Variants in DHRS3 observed in about 807,000 individuals in gnomAD.
DHRS3 encodes the protein dehydrogenase/reductase 3, also known as short-chain dehydrogenase/reductase 3.
In DHRS3, 14 loss-of-function variants were observed where a neutral mutation model predicts 27.2. The ratio of observed to expected loss-of-function variants is 0.52; its 90% CI spans 0.34 to 0.81. DHRS3 has a LOEUF of 0.81. Ranked by LOEUF, DHRS3 falls within the 30% of genes least tolerant of loss-of-function variation. DHRS3 has a pLI of 0.01. For missense variants in DHRS3, 322 were observed against 406.2 expected (o/e 0.79, Z 1.78); for synonymous variants, 165 against 175.9 (o/e 0.94, Z 0.49).
intron 1 of DHRS3, among the ~76,000 whole-genome samples, chr1:12,585,665 G>A (rs1188261018): frequency 6.6e-6 from 1 of 152,156 alleles, no homozygotes; most frequent in Non-Finnish European, 1.5e-5. Context: ...CCCTTCTGGG[G>A]AATCTGCGTC....
intron 1 of DHRS3, among the ~76,000 whole-genome samples, chr1:12,610,379 T>A (rs1646901138): frequency 6.6e-6 from 1 of 151,996 alleles, no homozygotes; most frequent in Non-Finnish European, 1.5e-5. Flanking sequence ...GGCATGAGAA[T>A]GTACTGTTCT....
intron 1 of DHRS3, among the ~76,000 whole-genome samples, chr1:12,613,083 G>A (rs903681981): frequency 6.6e-6 from 1 of 151,572 alleles, no homozygotes; most frequent in African/African-American, 2.4e-5. Flanking sequence ...AGGAGATGAC[G>A]GGACGTAGAC....
Position 12,578,857 on chromosome 1 carries a change from C to G in DHRS3, c.559G>C (p.Asp187His). The change falls in exon 4 of 6, where the codon GAC (aspartate) becomes CAC (histidine). Residue 187 changes from aspartate (D) to histidine (H), a missense_variant. Coordinates refer to ENST00000616661, the MANE Select transcript of DHRS3 (RefSeq NM_004753.7). The surrounding 1 kb of genome is among the most constrained non-coding windows in gnomAD (Gnocchi z 4.5). Reference sequence around the variant, plus strand: ...GCTGACGCTTTGGATGTGCAGTAGTCGATGGCACCGGGGATGGCAGACAGT... The same window carrying G: ...GCTGACGCTTTGGATGTGCAGTAGTGGATGGCACCGGGGATGGCAGACAGT... ...LALSAIPGAI[D>H]YCTSKASAFA... 1 of 1,613,920 alleles carries G rather than the reference C, an allele frequency of 6.2e-7. No homozygotes were observed. The highest frequency in any genetic ancestry group is 8.5e-7 in the Non-Finnish European group (1 of 1,180,006).
At position 12,593,537 on chromosome 1, in the gene DHRS3, AC is replaced by A. The variant is rs924973086; in HGVS notation, c.196-12872del. ...ACAGGTTCTGCTCAAGTGTCTCTTTACCCAAGAGGTCTTCATGTAAAATGCC... is the reference window on the plus strand; with the variant it reads ...ACAGGTTCTGCTCAAGTGTCTCTTTACCAAGAGGTCTTCATGTAAAATGCC... On this transcript the variant is annotated intron_variant, in intron 1 of 5. Coordinates refer to ENST00000616661, the MANE Select transcript of DHRS3 (RefSeq NM_004753.7). This position sits in a 1 kb window ranked among gnomAD's most constrained non-coding sequence, Gnocchi z 4.6. Among the ~76,000 whole-genome samples the A allele has an allele frequency of 2.0e-5, 3 of 151,822 alleles. No homozygotes were observed. The highest frequency in any genetic ancestry group is 7.3e-5 in the African/African-American group (3 of 41,288).
In DHRS3 at chr1:12,586,341, G is replaced by A. The variant is rs115125246; in HGVS notation, c.196-5675C>T. On this transcript the variant is annotated intron_variant, in intron 1 of 5. Transcript: ENST00000616661. The surrounding 1 kb of genome is among the most constrained non-coding windows in gnomAD (Gnocchi z 5.0). ...GAGGCACCCCTAAGCCCCCAGGCAC[G>A]GTGGGGTCGTCTGAGCTTTGAGGGT... is the stretch of plus-strand genomic sequence containing the variant. Among the ~76,000 whole-genome samples, 2,967 of 152,252 alleles carry A rather than the reference G, an allele frequency of 0.019. 109 individuals carry two copies. The highest frequency in any genetic ancestry group is 0.067 in the African/African-American group (2,782 of 41,524).
At chr1:12,599,258 G>A (rs1238625652) in intron 1 of DHRS3, among the ~76,000 whole-genome samples, 1 of 152,264 alleles carries the variant, frequency 6.6e-6, no homozygotes, top group East Asian at 1.9e-4. Context: ...AGAGGAAGCG[G>A]GACATTCAAT....
At chr1:12,579,619 G>A in intron 2 of DHRS3, 1 of 527,418 alleles carries the variant, frequency 1.9e-6, no homozygotes, top group Non-Finnish European at 3.1e-6. Flanking sequence ...GGGATTACAG[G>A]CTCCTGCCAC....
At chr1:12,569,018 GA>G (rs1215440485) in intron 5 of DHRS3, among the ~76,000 whole-genome samples, 2 of 152,106 alleles carry the variant, frequency 1.3e-5, no homozygotes, top group African/African-American at 4.8e-5. Context: ...AGGAGTTCGA[GA>G]ACAGCCTAGC....
intron 1 of DHRS3, among the ~76,000 whole-genome samples, chr1:12,613,914 C>A (rs541761684): frequency 6.6e-6 from 1 of 152,036 alleles, no homozygotes; most frequent in African/African-American, 2.4e-5. Context: ...GGATTACGGG[C>A]GCTTACCACC....
intron 1 of DHRS3, among the ~76,000 whole-genome samples, chr1:12,600,556 C>A (rs1646828816): frequency 6.6e-6 from 1 of 152,188 alleles, no homozygotes; most frequent in African/African-American, 2.4e-5. Flanking sequence ...GTCACGCTGC[C>A]CTTTACAGTC....
chr1:12,605,238 T>C (rs562452422), intron 1 of DHRS3, among the ~76,000 whole-genome samples: 2 of 152,310 alleles, frequency 1.3e-5, no homozygotes, highest in African/African-American at 4.8e-5. Flanking sequence ...ATGTACAGTA[T>C]AGGTCTTGTA....
chr1:12,591,324 C>T lies in DHRS3; in HGVS notation c.196-10658G>A, dbSNP rs1410797163. Reference sequence around the variant, plus strand: ...CACTGCTGGGCTGCTGAAGCCTAGGCAGGTCTCTCCCACGTAGCCCTGCAA... The same window carrying T: ...CACTGCTGGGCTGCTGAAGCCTAGGTAGGTCTCTCCCACGTAGCCCTGCAA... On this transcript the variant is annotated intron_variant, in intron 1 of 5. Coordinates refer to ENST00000616661, the MANE Select transcript of DHRS3 (RefSeq NM_004753.7). The surrounding 1 kb of genome is among the most constrained non-coding windows in gnomAD (Gnocchi z 4.1). Among the ~76,000 whole-genome samples the T allele has an allele frequency of 1.3e-5, 2 of 152,212 alleles. No individual in the cohort carries two copies. Among genetic ancestry groups the T allele is most frequent in the Non-Finnish European group, 2.9e-5 (2 of 68,034 alleles).
chr1:12,610,684 C>T (rs943867377), intron 1 of DHRS3, among the ~76,000 whole-genome samples: 5 of 152,162 alleles, frequency 3.3e-5, no homozygotes, highest in African/African-American at 1.2e-4. Flanking sequence ...AATGAGCACA[C>T]ATTTGGGCAT....
chr1:12,569,231 T>TCTCTCACA (rs1557509331), intron 5 of DHRS3, among the ~76,000 whole-genome samples: 13 of 110,582 alleles, frequency 1.2e-4, no homozygotes, highest in African/African-American at 3.1e-4. Context: ...TCTCTCTCTC[T>TCTCTCACA]CACACACACA....
chr1:12,575,180 A>T (rs768831225), intron 4 of DHRS3, among the ~76,000 whole-genome samples: 3 of 152,090 alleles, frequency 2.0e-5, no homozygotes, highest in Non-Finnish European at 4.4e-5. Context: ...TACAAAAATT[A>T]GCCGGGCATG....
At chr1:12,596,448 G>A (rs895760890) in intron 1 of DHRS3, 3 of 152,150 alleles carry the variant, frequency 2.0e-5, no homozygotes, top group Non-Finnish European at 2.9e-5. Context: ...CTGGTTGGGG[G>A]GTTGCAGGGA....
chr1:12,588,120 C>T (rs946805494), intron 1 of DHRS3, among the ~76,000 whole-genome samples: 7 of 152,202 alleles, frequency 4.6e-5, no homozygotes, highest in Non-Finnish European at 8.8e-5. Flanking sequence ...GGTGCCCGGC[C>T]CGGGCTGTTT....
chr1:12,589,820 T>C (rs1570378556), intron 1 of DHRS3, among the ~76,000 whole-genome samples: 1 of 151,500 alleles, frequency 6.6e-6, no homozygotes, highest in Non-Finnish European at 1.5e-5. Flanking sequence ...TCTGTCTCTG[T>C]TTTGTAAAAA....
chr1:12,598,861 C>G (rs1483264601), intron 1 of DHRS3, among the ~76,000 whole-genome samples: 1 of 152,152 alleles, frequency 6.6e-6, no homozygotes, highest in Non-Finnish European at 1.5e-5. Flanking sequence ...AACCGGTTGG[C>G]GGTACCCCTC....
Sources: gnomAD v4.1 joint callset for allele counts (sites outside exome capture counted in the v4.1 genomes callset) on GRCh38, gnomAD v4.1.1 for gene constraint, Gnocchi (gnomAD v3.1) non-coding constraint, MANE v1.5 for transcripts, NCBI Gene and HGNC (gene_info 2026-07-23, HGNC 2026-07-21) for gene names.